HIPK4: variants seen among roughly 807,000 people sequenced by gnomAD.
HIPK4 encodes the protein homeodomain-interacting protein kinase 4.
Under a neutral mutation model 44.8 loss-of-function variants are expected in HIPK4, and 26 were observed. The ratio of observed to expected loss-of-function variants is 0.58; its 90% CI spans 0.43 to 0.80. The LOEUF (loss-of-function observed/expected upper bound fraction) is 0.80. Among genes scored for constraint, HIPK4 ranks in the 30% least tolerant of loss-of-function variants. HIPK4 has a pLI of 0.00. For missense variants in HIPK4, 729 were observed against 862.6 expected (o/e 0.85, Z 1.94); for synonymous variants, 340 against 355.5 (o/e 0.96, Z 0.49).
Position 40,379,768 on chromosome 19 carries a change from C to G in HIPK4, c.1670G>C (p.Arg557Thr), listed in dbSNP as rs769299227. 15 of 1,608,946 alleles carry G rather than the reference C, an allele frequency of 9.3e-6. No homozygotes were observed. In the South Asian group the frequency reaches 1.4e-4, roughly 15 times the overall value. Residue 557 changes from arginine (R) to threonine (T), a missense_variant and splice_region_variant, in exon 4 of 4, where the codon AGG (arginine) becomes ACG (threonine). Transcript: ENST00000291823. ...GGGGTCGAAGAGCTCAGGGTCTGGC[C>G]TCTGTGGGGGAAGAGAGAGGGGCAT... is the stretch of plus-strand genomic sequence containing the variant. ...NIDNMTMEAE[R>T]PDPELFDPSS...
At position 40,380,836 on chromosome 19, in the gene HIPK4, G is replaced by A. The variant is rs776436610; in HGVS notation, c.1155C>T (p.Ala385=). 1.7e-5 allele frequency: 28 copies of A among 1,610,266 alleles called. No homozygotes were observed. The highest frequency in any genetic ancestry group is 4.5e-5 in the East Asian group (2 of 44,776). Residue 385 remains alanine, a synonymous_variant, in exon 3 of 4, where the codon GCC becomes GCT. Coordinates refer to ENST00000291823, the MANE Select transcript of HIPK4 (RefSeq NM_144685.5). This position sits in a 1 kb window ranked among gnomAD's most constrained non-coding sequence, Gnocchi z 4.2. ...VEGKPPTPVV[A]AEDGTPYYCL... ...AGTAGTAGGGGGTCCCATCTTCTGCGGCCACGACGGGCGTGGGGGGCTTCC... is the reference window on the plus strand; with the variant it reads ...AGTAGTAGGGGGTCCCATCTTCTGCAGCCACGACGGGCGTGGGGGGCTTCC...
chr19:40,384,594 C>T (rs980751355), intron 1 of HIPK4, among the ~76,000 whole-genome samples: 1 of 149,286 alleles, frequency 6.7e-6, no homozygotes, highest in Non-Finnish European at 1.5e-5. Context: ...CGTGAGCCAC[C>T]GCACCCAGCC....
chr19:40,388,944 G>T (rs2079375052), intron 1 of HIPK4, among the ~76,000 whole-genome samples: 1 of 152,190 alleles, frequency 6.6e-6, no homozygotes, highest in Non-Finnish European at 1.5e-5. Flanking sequence ...AGCACTTTGG[G>T]AGGCTGAGGC....
Position 40,389,988 on chromosome 19 carries a change from A to G in HIPK4, c.-86T>C. 9.6e-7 allele frequency: 1 copy of G among 1,046,782 alleles called. No homozygotes were observed. Among genetic ancestry groups the G allele is most frequent in the African/African-American group, 1.6e-5 (1 of 63,086 alleles). 64.8% of individuals were successfully genotyped at this position (1,046,782 alleles called of 1,614,324 possible). ...AGGCCTCCCGCCTGGCTGCTGACAC[A>G]GCAGGCCCCCCAGTGGGGGAAAGAG... On this transcript the variant is annotated 5_prime_UTR_variant, in exon 1 of 4. Coordinates refer to ENST00000291823, the MANE Select transcript of HIPK4 (RefSeq NM_144685.5). The surrounding 1 kb of genome is among the most constrained non-coding windows in gnomAD (Gnocchi z 4.6).
chr19:40,382,875 G>A (rs753863735), intron 2 of HIPK4, among the ~76,000 whole-genome samples: 85 of 150,972 alleles, frequency 5.6e-4, no homozygotes, highest in African/African-American at 1.4e-3. Context: ...GTAAAACCCC[G>A]TCTCTAGTAA....
chr19:40,384,283 C>G, intron 1 of HIPK4, 144 bp from the exon 2 acceptor site: 1 of 674,070 alleles, frequency 1.5e-6, no homozygotes, highest in Non-Finnish European at 2.5e-6. Context: ...TCTTTAGTTG[C>G]TTTGTTGGTT....
In HIPK4 at chr19:40,380,859, T is replaced by A; in HGVS notation, c.1132A>T (p.Lys378Ter). ...SYRLSLQVEG[K>*]PPTPVVAAED... The stretch of plus-strand genomic sequence containing the variant: ...GCGGCCACGACGGGCGTGGGGGGCT[T>A]CCCCTCCACTTGCAGCGAGAGGCGG... The change falls in exon 3 of 4, where the codon AAG (lysine) becomes TAG (stop). Residue 378 changes from lysine to a stop codon, truncating the protein, a stop_gained. Coordinates refer to ENST00000291823, the MANE Select transcript of HIPK4 (RefSeq NM_144685.5). LOFTEE classifies it high-confidence loss of function. The surrounding 1 kb of genome is among the most constrained non-coding windows in gnomAD (Gnocchi z 4.2). 1 of 1,608,378 alleles carries A rather than the reference T, an allele frequency of 6.2e-7. No homozygotes were observed. The highest frequency in any genetic ancestry group is 8.5e-7 in the Non-Finnish European group (1 of 1,175,330).
At chr19:40,381,244 C>A in intron 2 of HIPK4, 76 bp from the exon 3 acceptor site, 2 of 1,182,988 alleles carry the variant, frequency 1.7e-6, no homozygotes, top group South Asian at 1.4e-5. Flanking sequence ...GCTGTGGCAC[C>A]CACATGTAGC....
At position 40,380,177 on chromosome 19, in the gene HIPK4, G is replaced by A; in HGVS notation, c.1668+146C>T. On this transcript the variant is annotated intron_variant, in intron 3 of 3. Coordinates refer to ENST00000291823, the MANE Select transcript of HIPK4 (RefSeq NM_144685.5). This position sits in a 1 kb window ranked among gnomAD's most constrained non-coding sequence, Gnocchi z 4.2. ...CATATCTTGACGGTATTAGGTGTGT[G>A]CTGAGCCTCCTAAGTCCCTAATTGT... 1 of 1,082,534 alleles carries A rather than the reference G, an allele frequency of 9.2e-7. No individual in the cohort carries two copies. Among genetic ancestry groups the A allele is most frequent in the Admixed American group, 2.4e-5 (1 of 42,336 alleles). 67.1% of individuals were successfully genotyped at this position (1,082,534 alleles called of 1,614,324 possible).
Position 40,384,041 on chromosome 19 carries a change from C to T in HIPK4, c.564G>A (p.Leu188=). Residue 188 remains leucine, a synonymous_variant, in exon 2 of 4, where the codon CTG becomes CTA. Coordinates refer to ENST00000291823, the MANE Select transcript of HIPK4 (RefSeq NM_144685.5). ...CCACCTTCTCGCAGAAGGGCAGCCC[C>T]AGCAGGATCTCAGGGGCCCGGTAGA... The part of the protein sequence containing the change: ...SRFYRAPEIL[L]GLPFCEKVDV... 1.2e-6 allele frequency: 2 copies of T among 1,614,016 alleles called. No homozygotes were observed. Among genetic ancestry groups the T allele is most frequent in the Non-Finnish European group, 8.5e-7 (1 of 1,179,878 alleles).
At chr19:40,384,234 C>A in intron 1 of HIPK4, 95 bp from the exon 2 acceptor site, 1 of 897,338 alleles carries the variant, frequency 1.1e-6, no homozygotes. Flanking sequence ...CATCTTCCTG[C>A]ATCTGCTATT....
In HIPK4 at chr19:40,389,217, C is replaced by T. The variant is rs1378918461; in HGVS notation, c.465+221G>A. On this transcript the variant is annotated intron_variant, in intron 1 of 3. Coordinates refer to ENST00000291823, the MANE Select transcript of HIPK4 (RefSeq NM_144685.5). This position sits in a 1 kb window ranked among gnomAD's most constrained non-coding sequence, Gnocchi z 4.6. ...GCGCATCCCTGTAATCCCAGCAACT[C>T]GGGAGGCTGAGGCAGGATAATCACT... Among the ~76,000 whole-genome samples the T allele has an allele frequency of 2.0e-5, 3 of 151,386 alleles. No homozygotes were observed. The highest frequency in any genetic ancestry group is 1.9e-4 in the East Asian group (1 of 5,166).
Position 40,383,999 on chromosome 19 carries a change from G to A in HIPK4, c.606C>T (p.Gly202=), listed in dbSNP as rs1159184316. ...CCAGGTGCAGCTCAGCCATGACGCA[G>A]CCCAGGGACCACACGTCCACCTTCT... ...FCEKVDVWSL[G]CVMAELHLGW... is the part of the protein sequence containing the mutation. Residue 202 remains glycine (G), a synonymous_variant, in exon 2 of 4, where the codon GGC becomes GGT. Transcript: ENST00000291823. 2 of 1,614,182 alleles carry A rather than the reference G, an allele frequency of 1.2e-6. No individual in the cohort carries two copies. Among genetic ancestry groups the A allele is most frequent in the East Asian group, 2.2e-5 (1 of 44,884 alleles).
chr19:40,379,628 C>T lies in HIPK4; in HGVS notation c.1810G>A (p.Gly604Arg). Residue 604 changes from glycine (G) to arginine (R), a missense_variant, in exon 4 of 4, where the codon GGG (glycine) becomes AGG (arginine). Around this residue, in one of 2 missense-constraint regions of HIPK4, gnomAD observed 533 missense variants for 567.5 expected, o/e 0.94. Coordinates refer to ENST00000291823, the MANE Select transcript of HIPK4 (RefSeq NM_144685.5). ...RRSHQHGPPR[G>R]ATSFLQHVTG... ...ACATGCTGGAGGAAGCTGGTGGCCC[C>T]CCGGGGTGGACCATGCTGGTGGGAG... The T allele has an allele frequency of 6.4e-7, 1 of 1,551,168 alleles. No individual in the cohort carries two copies. The highest frequency in any genetic ancestry group is 8.7e-7 in the Non-Finnish European group (1 of 1,149,710).
At chr19:40,384,651 G>A (rs986922771) in intron 1 of HIPK4, among the ~76,000 whole-genome samples, 4 of 135,500 alleles carry the variant, frequency 3.0e-5, no homozygotes, top group East Asian at 2.2e-4. Flanking sequence ...TCACTCTGTC[G>A]CCCAGGCTAA....
chr19:40,384,325 CAG>C (rs768800799), intron 1 of HIPK4, among the ~76,000 whole-genome samples, 186 bp from the exon 2 acceptor site: 8 of 151,968 alleles, frequency 5.3e-5, no homozygotes, highest in Admixed American at 1.3e-4. Context: ...TTGTTTGAGA[CAG>C]AGTCTCACTC....
chr19:40,381,812 T>TTG (rs2079338444), intron 2 of HIPK4, among the ~76,000 whole-genome samples: 8 of 136,414 alleles, frequency 5.9e-5, no homozygotes, highest in Non-Finnish European at 1.1e-4. Context: ...TTTTTTTTTT[T>TTG]GTATGTGTGT....
rs1040483836 is a variant in HIPK4 at position 40,380,968 on chromosome 19, G to A, written c.1023C>T (p.Ala341=). ...ESHERISPSA[A]LRHPFVSMQQ... Reference sequence around the variant, plus strand: ...GCATGGACACGAAGGGGTGGCGCAGGGCAGCACTGGGGCTGATGCGTTCGT... The same window carrying A: ...GCATGGACACGAAGGGGTGGCGCAGAGCAGCACTGGGGCTGATGCGTTCGT... Residue 341 remains alanine, a synonymous_variant, in exon 3 of 4, where the codon GCC becomes GCT. Coordinates refer to ENST00000291823, the MANE Select transcript of HIPK4 (RefSeq NM_144685.5). The surrounding 1 kb of genome is among the most constrained non-coding windows in gnomAD (Gnocchi z 4.2). 1 of 1,612,760 alleles carries A rather than the reference G, an allele frequency of 6.2e-7. No individual in the cohort carries two copies. The highest frequency in any genetic ancestry group is 8.5e-7 in the Non-Finnish European group (1 of 1,179,964).
Position 40,381,450 on chromosome 19 carries a change from G to A in HIPK4, c.823-282C>T, listed in dbSNP as rs564858175. On this transcript the variant is annotated intron_variant, in intron 2 of 3. Transcript: ENST00000291823. Reference sequence around the variant, plus strand: ...CCAGCAGCTAGCAGAAGGGCTGCCCGGAATCTCTAGTCCTCCCTGGAATCA... The same window carrying A: ...CCAGCAGCTAGCAGAAGGGCTGCCCAGAATCTCTAGTCCTCCCTGGAATCA... Among the ~76,000 whole-genome samples the A allele has an allele frequency of 2.6e-5, 4 of 152,288 alleles. No individual in the cohort carries two copies. The East Asian group carries it at 5.8e-4, about 22-fold the overall frequency.
Sources: gnomAD v4.1 joint callset for allele counts (sites outside exome capture counted in the v4.1 genomes callset) on GRCh38, gnomAD v4.1.1 for gene constraint, gnomAD v4.1.1 regional missense constraint, Gnocchi (gnomAD v3.1) non-coding constraint, MANE v1.5 for transcripts, NCBI Gene and HGNC (gene_info 2026-07-23, HGNC 2026-07-21) for gene names.